Variants in FHL2 observed in about 807,000 individuals in gnomAD.
The protein encoded by FHL2 is four and a half LIM domains 2.
In FHL2, 20 loss-of-function variants were observed where a neutral mutation model predicts 32.7. The observed-to-expected ratio is 0.61, with a 90% CI of 0.43 to 0.89. FHL2 has a LOEUF of 0.89. FHL2 is among the 40% of genes least tolerant of loss of function. The pLI is 0.00. For missense variants in FHL2, 311 were observed against 358.6 expected, an observed-to-expected ratio of 0.87 and a Z score of 1.07; for synonymous variants, 123 against 128.1, an observed-to-expected ratio of 0.96 and a Z score of 0.27.
At chr2:105,386,653 C>G in intron 2 of FHL2, 113 bp from the exon 3 acceptor site, 1 of 805,354 alleles carries the variant, frequency 1.2e-6, no homozygotes, top group Non-Finnish European at 1.9e-6. Context: ...GTGGCTAATT[C>G]CTCTGGATGA....
chr2:105,364,204 C>G (rs1484860728), intron 5 of FHL2, among the ~76,000 whole-genome samples: 1 of 152,068 alleles, frequency 6.6e-6, no homozygotes, highest in Admixed American at 6.6e-5. Context: ...TGCAGTGAGC[C>G]AAGATCATGC....
intron 3 of FHL2, among the ~76,000 whole-genome samples, chr2:105,379,652 C>T (rs11887996): frequency 0.024 from 3,627 of 152,296 alleles, 127 homozygotes; most frequent in African/African-American, 0.084. Flanking sequence ...TTACCTGGCA[C>T]GTCAGCCCCT....
At chr2:105,401,967 T>C (rs1013335888), upstream of FHL2, among the ~76,000 whole-genome samples, 2 of 151,630 alleles carry the variant, frequency 1.3e-5, no homozygotes, top group South Asian at 2.1e-4. Context: ...GCTATGTTAA[T>C]GTACTCATTC....
At position 105,377,744 on chromosome 2, in the gene FHL2, G is replaced by A. The variant is rs191823090; in HGVS notation, c.157-4011C>T. 19 of 265,178 alleles carry A rather than the reference G, an allele frequency of 7.2e-5. 1 individual carries two copies. Among genetic ancestry groups the A allele is most frequent in the African/African-American group, 3.1e-4 (14 of 45,018 alleles). The allele number at this position is 265,178 out of a possible 1,614,324, so 16.4% of individuals were successfully genotyped here. On this transcript the variant is annotated intron_variant, in intron 3 of 6. Coordinates refer to ENST00000530340, the MANE Select transcript of FHL2 (RefSeq NM_001318895.3). ...CGAGCCACCTCATAGAGGACTGCTC[G>A]TTTGGGGAAAAGCTGCAGAATGTTT...
At chr2:105,395,849 G>A (rs1040874732) in intron 2 of FHL2, among the ~76,000 whole-genome samples, 4 of 152,172 alleles carry the variant, frequency 2.6e-5, no homozygotes, top group Admixed American at 2.6e-4. Context: ...GACAGAATCA[G>A]GCTAGTAAAG....
At chr2:105,405,070 C>T (rs1342179319) in intron 1 of FHL2, among the ~76,000 whole-genome samples, 2 of 152,146 alleles carry the variant, frequency 1.3e-5, no homozygotes, top group African/African-American at 4.8e-5. Context: ...TTCATTTGGG[C>T]CAGTAAATGT....
At chr2:105,365,384 G>A (rs1680555277) in intron 5 of FHL2, among the ~76,000 whole-genome samples, 1 of 152,148 alleles carries the variant, frequency 6.6e-6, no homozygotes, top group Admixed American at 6.5e-5. Context: ...ATGTTTTTGT[G>A]TATTTAATGA....
At chr2:105,409,231 T>G (rs1230585749) in intron 1 of FHL2, among the ~76,000 whole-genome samples, 1 of 151,960 alleles carries the variant, frequency 6.6e-6, no homozygotes, top group Non-Finnish European at 1.5e-5. Flanking sequence ...CCAAAGGAAG[T>G]TTTTGTTGGG....
At chr2:105,396,728 T>A in intron 1 of FHL2, 31 bp from the exon 2 acceptor site, 1 of 1,609,566 alleles carries the variant, frequency 6.2e-7, no homozygotes, top group South Asian at 1.1e-5. Context: ...TTGTTTCAGA[T>A]GGTCATCTTG....
chr2:105,402,736 A>T (rs1683513463), upstream of FHL2, among the ~76,000 whole-genome samples: 2 of 152,242 alleles, frequency 1.3e-5, no homozygotes, highest in African/African-American at 4.8e-5. Context: ...TATTAAAAAC[A>T]AATTTTCATG....
intron 2 of FHL2, among the ~76,000 whole-genome samples, chr2:105,393,214 C>G (rs890287779): frequency 6.6e-6 from 1 of 152,108 alleles, no homozygotes; most frequent in African/African-American, 2.4e-5. Flanking sequence ...GGCCCATTTT[C>G]TCCTCCCCCT....
intron 3 of FHL2, chr2:105,378,036 G>T: frequency 2.1e-6 from 1 of 470,150 alleles, no homozygotes; most frequent in Non-Finnish European, 4.4e-6. Flanking sequence ...AGGTCAACAG[G>T]AAAGCAAAGC....
chr2:105,386,642 G>T, intron 2 of FHL2, 102 bp from the exon 3 acceptor site: 1 of 951,410 alleles, frequency 1.1e-6, no homozygotes, highest in South Asian at 1.7e-5. Context: ...TTAGCCGAAA[G>T]GTGGCTAATT....
chr2:105,424,424 T>C (rs1202706907), intron 1 of FHL2, among the ~76,000 whole-genome samples: 2 of 152,220 alleles, frequency 1.3e-5, no homozygotes, highest in Admixed American at 1.3e-4. Flanking sequence ...TTTACATTGT[T>C]GGTGGGAGTG....
chr2:105,435,680 G>A (rs1272748730), intron 1 of FHL2, among the ~76,000 whole-genome samples: 1 of 152,068 alleles, frequency 6.6e-6, no homozygotes, highest in African/African-American at 2.4e-5. Flanking sequence ...AAATTAGCCG[G>A]ACATGGTGGC....
upstream of FHL2, among the ~76,000 whole-genome samples, chr2:105,402,037 A>G (rs1683481060): frequency 6.7e-6 from 1 of 150,200 alleles, no homozygotes; most frequent in Admixed American, 6.7e-5. Context: ...ACACGAATAT[A>G]TATATACGTA....
At chr2:105,371,271 C>T (rs1203357642) in intron 4 of FHL2, among the ~76,000 whole-genome samples, 1 of 152,090 alleles carries the variant, frequency 6.6e-6, no homozygotes, top group Non-Finnish European at 1.5e-5. Flanking sequence ...CAGCAAGCTT[C>T]GAGTGCAGCA....
At chr2:105,370,497 G>C (rs551457880) in intron 4 of FHL2, among the ~76,000 whole-genome samples, 4 of 152,160 alleles carry the variant, frequency 2.6e-5, no homozygotes, top group Non-Finnish European at 4.4e-5. Flanking sequence ...ATAGGGGCGC[G>C]AGAGCCGGTA....
At chr2:105,436,255 G>A (rs4851774) in intron 1 of FHL2, among the ~76,000 whole-genome samples, 2 of 151,806 alleles carry the variant, frequency 1.3e-5, no homozygotes, top group Non-Finnish European at 2.9e-5. Context: ...AGATCAAGGC[G>A]CAAGGTGGTT....
Sources: allele counts gnomAD v4.1 joint callset (sites outside exome capture counted in the v4.1 genomes callset), GRCh38; gene constraint gnomAD v4.1.1; transcripts MANE v1.5; gene names NCBI Gene and HGNC (gene_info 2026-07-23, HGNC 2026-07-21).